The following XPO4 variants were observed in gnomAD, a reference collection of about 807,000 sequenced individuals.
The protein encoded by XPO4 is exportin-4.
In XPO4, 39 loss-of-function variants were observed where a neutral mutation model predicts 143.0. That is an observed-to-expected ratio of 0.27 (90% CI 0.21 to 0.36). XPO4 has a LOEUF of 0.36. Ranked by LOEUF, XPO4 falls within the 10% of genes least tolerant of loss-of-function variation. The pLI is 1.00. For missense variants in XPO4, 907 were observed against 1,348.0 expected (o/e 0.67, Z 5.12); for synonymous variants, 439 against 474.0 (o/e 0.93, Z 0.96).
At chr13:20,810,217 A>G (rs1354169494) in intron 9 of XPO4, among the ~76,000 whole-genome samples, 1 of 152,212 alleles carries the variant, frequency 6.6e-6, no homozygotes, top group Non-Finnish European at 1.5e-5. Context: ...AATAAAAATA[A>G]TATTAACATT....
chr13:20,842,959 T>C lies in XPO4; in HGVS notation c.663A>G (p.Ser221=), dbSNP rs531032486. Reference sequence around the variant, plus strand: ...CGAGTGCAAGGTAACGCTGAAATACTGAAGACATCTGAGCATTGAGGTTTT... The same window carrying C: ...CGAGTGCAAGGTAACGCTGAAATACCGAAGACATCTGAGCATTGAGGTTTT... ...RRENLNAQMS[S]VFQRYLALAN... Residue 221 remains serine, a synonymous_variant, in exon 6 of 23, where the codon TCA becomes TCG. Transcript: ENST00000255305. The C allele has an allele frequency of 2.2e-5, 35 of 1,613,644 alleles. No individual in the cohort carries two copies. In the East Asian group the frequency reaches 5.6e-4, roughly 26 times the overall value.
chr13:20,798,000 C>T lies in XPO4; in HGVS notation c.2323-943G>A, dbSNP rs528967996. On this transcript the variant is annotated intron_variant, in intron 16 of 22. Coordinates refer to ENST00000255305, the MANE Select transcript of XPO4 (RefSeq NM_022459.5). ...CTCTACTAAAAATACAAAAATTAGC[C>T]AGGCATGGTGGTGCGCACCTGTAAT... is the stretch of plus-strand genomic sequence containing the variant. Among the ~76,000 whole-genome samples, 504 of 152,132 alleles carry T rather than the reference C, an allele frequency of 3.3e-3. 4 individuals are homozygous for T. The highest frequency in any genetic ancestry group is 0.012 in the African/African-American group (485 of 41,496).
Position 20,868,681 on chromosome 13 carries a change from A to G in XPO4, c.90T>C (p.Asn30=). ...GCTCTGCATGCTGGCGTTGTTCATT[A>G]TTGACCATGGAAGGTGGTGCCTTGA... is the stretch of plus-strand genomic sequence containing the variant. ...KVLMAPPSMV[N]NEQRQHAEHI... The change falls in exon 2 of 23, where the codon AAT becomes AAC. Residue 30 remains asparagine (N), a synonymous_variant. Transcript: ENST00000255305. 6.2e-7 allele frequency: 1 copy of G among 1,612,992 alleles called. No individual in the cohort carries two copies. The highest frequency in any genetic ancestry group is 8.5e-7 in the Non-Finnish European group (1 of 1,179,486).
chr13:20,836,246 T>C (rs1415100967), intron 6 of XPO4, among the ~76,000 whole-genome samples: 3 of 152,204 alleles, frequency 2.0e-5, no homozygotes, highest in African/African-American at 7.2e-5. Context: ...GCCCCTGTCA[T>C]TCACATAAAC....
At chr13:20,859,337 A>G (rs897952112) in intron 3 of XPO4, among the ~76,000 whole-genome samples, 8 of 152,148 alleles carry the variant, frequency 5.3e-5, no homozygotes, top group Non-Finnish European at 8.8e-5. Context: ...ACGGTGGCTC[A>G]TATCTGTAAT....
intron 22 of XPO4, among the ~76,000 whole-genome samples, chr13:20,785,825 A>AAGGG (rs1465595498): frequency 7.1e-6 from 1 of 140,818 alleles, no homozygotes; most frequent in Non-Finnish European, 1.6e-5. Context: ...GGAAGAAAGG[A>AAGGG]AGGGAGGAAG....
intron 3 of XPO4, among the ~76,000 whole-genome samples, chr13:20,858,740 G>A (rs1030083602): frequency 3.3e-5 from 5 of 151,496 alleles, no homozygotes; most frequent in African/African-American, 9.7e-5. Flanking sequence ...GCATGGTGGC[G>A]CATGCTTGTA....
intron 4 of XPO4, chr13:20,849,061 A>C (rs1304460097): frequency 2.4e-5 from 24 of 985,324 alleles, no homozygotes; most frequent in Non-Finnish European, 2.8e-5. Flanking sequence ...TGCCTTACTC[A>C]CCAGCTTACT....
intron 4 of XPO4, among the ~76,000 whole-genome samples, chr13:20,845,972 A>G (rs2060025282): frequency 6.6e-6 from 1 of 152,208 alleles, no homozygotes; most frequent in South Asian, 2.1e-4. Flanking sequence ...AATGTTTGAG[A>G]AAACTTGTCT....
At chr13:20,809,346 A>T in intron 10 of XPO4, 121 bp from the exon 11 acceptor site, 1 of 1,267,340 alleles carries the variant, frequency 7.9e-7, no homozygotes, top group South Asian at 1.5e-5. Context: ...GAGGGGACAC[A>T]GCCGACCTTT....
intron 13 of XPO4, among the ~76,000 whole-genome samples, chr13:20,802,138 G>C (rs890290390): frequency 6.6e-6 from 1 of 152,038 alleles, no homozygotes; most frequent in Admixed American, 6.6e-5. Context: ...GTCCACTGCA[G>C]CTTTAACTTT....
At chr13:20,831,595 C>A (rs2059852627) in intron 6 of XPO4, among the ~76,000 whole-genome samples, 1 of 152,016 alleles carries the variant, frequency 6.6e-6, no homozygotes, top group African/African-American at 2.4e-5. Flanking sequence ...AAAATAAATA[C>A]TGAATGCATG....
chr13:20,873,693 C>CA (rs2060324883), intron 1 of XPO4, among the ~76,000 whole-genome samples: 1 of 152,118 alleles, frequency 6.6e-6, no homozygotes, highest in African/African-American at 2.4e-5. Flanking sequence ...TGCAGTGGCA[C>CA]AATCTCGGTT....
chr13:20,892,889 T>A (rs79618715), intron 1 of XPO4, among the ~76,000 whole-genome samples: 2,006 of 139,138 alleles, frequency 0.014, 40 homozygotes, highest in African/African-American at 0.051. Flanking sequence ...AAGTAAAAAA[T>A]AAAAAAAAAA....
At chr13:20,856,681 C>T (rs1436900149) in intron 3 of XPO4, 1 of 219,832 alleles carries the variant, frequency 4.5e-6, no homozygotes, top group East Asian at 1.8e-4. Context: ...CAAAAGTGTC[C>T]CAGTTTGGAG....
chr13:20,870,457 T>C (rs2138138384), intron 1 of XPO4, among the ~76,000 whole-genome samples: 1 of 150,550 alleles, frequency 6.6e-6, no homozygotes. Flanking sequence ...AATTTACTAA[T>C]AAAACTGTGA....
At chr13:20,894,962 G>C (rs1326409692) in intron 1 of XPO4, among the ~76,000 whole-genome samples, 1 of 152,034 alleles carries the variant, frequency 6.6e-6, no homozygotes, top group Non-Finnish European at 1.5e-5. Flanking sequence ...CGGATCACCT[G>C]AGGTCAGGAG....
chr13:20,878,639 G>A (rs1220799555), intron 1 of XPO4, among the ~76,000 whole-genome samples: 3 of 152,084 alleles, frequency 2.0e-5, no homozygotes, highest in Non-Finnish European at 2.9e-5. Context: ...TTACATTTGC[G>A]GGAAGAGTAT....
intron 1 of XPO4, 131 bp from the exon 2 acceptor site, chr13:20,868,832 T>A (rs1237755051): frequency 4.0e-6 from 3 of 748,570 alleles, no homozygotes; most frequent in Non-Finnish European, 6.3e-6. Context: ...CTTGCTTAAC[T>A]TTTTAAGGAA....
Sources: allele counts gnomAD v4.1 joint callset (sites outside exome capture counted in the v4.1 genomes callset), GRCh38; gene constraint gnomAD v4.1.1; transcripts MANE v1.5; gene names NCBI Gene and HGNC (gene_info 2026-07-23, HGNC 2026-07-21).